The following TAOK1 variants were observed in gnomAD, a reference collection of about 807,000 sequenced individuals.
TAOK1 encodes the protein serine/threonine-protein kinase TAO1.
TAOK1 carries 21 observed loss-of-function variants against 138.3 expected under a neutral mutation model. That is an observed-to-expected ratio of 0.15 (90% CI 0.11 to 0.22). The LOEUF (loss-of-function observed/expected upper bound fraction) is 0.22. TAOK1 is among the 10% of genes least tolerant of loss of function. The pLI is 1.00. For missense variants in TAOK1, 651 were observed against 1,227.7 expected, an observed-to-expected ratio of 0.53 and a Z score of 7.02; for synonymous variants, 361 against 398.4, an observed-to-expected ratio of 0.91 and a Z score of 1.12.
At chr17:29,534,082 A>G (rs954490289) in intron 18 of TAOK1, 36 bp from the exon 19 acceptor site, 10 of 1,556,812 alleles carry the variant, frequency 6.4e-6, no homozygotes, top group East Asian at 4.6e-5. Flanking sequence ...ACATTAGGAT[A>G]TATCTTTTTT....
At chr17:29,432,478 G>A (rs899556215) in intron 1 of TAOK1, among the ~76,000 whole-genome samples, 3 of 152,190 alleles carry the variant, frequency 2.0e-5, no homozygotes, top group Non-Finnish European at 1.5e-5. Flanking sequence ...GCCAGTTTTG[G>A]GGCCAGTTTA....
chr17:29,421,949 G>T (rs1905457280), intron 1 of TAOK1, among the ~76,000 whole-genome samples: 1 of 152,108 alleles, frequency 6.6e-6, no homozygotes, highest in African/African-American at 2.4e-5. Context: ...CCAGGCTGGA[G>T]TGCAGTGGCA....
Position 29,551,680 on chromosome 17 carries a change from A to AT in TAOK1, c.*8660dup, listed in dbSNP as rs1399093544. The AT allele has an allele frequency of 6.6e-6, 1 of 152,612 alleles. No homozygotes were observed. The highest frequency in any genetic ancestry group is 1.5e-5 in the Non-Finnish European group (1 of 68,052). 9.5% of individuals were successfully genotyped at this position (152,612 alleles called of 1,614,324 possible). A position where few individuals can be genotyped will look rare whatever the true frequency, so the allele number is the denominator to read the frequency against. On this transcript the variant is annotated 3_prime_UTR_variant, in exon 20 of 20. Transcript: ENST00000261716. The stretch of plus-strand genomic sequence containing the variant: ...TCCACAGCACTAACTGGTAAGGCTT[A>AT]TTGTACAGTATATTGTCAGTATTCT...
intron 3 of TAOK1, among the ~76,000 whole-genome samples, chr17:29,475,091 C>T (rs1318760394): frequency 2.6e-5 from 4 of 151,980 alleles, no homozygotes; most frequent in African/African-American, 4.8e-5. Context: ...TAGGTGCACA[C>T]CACCACGCCC....
chr17:29,532,921 G>A (rs2150773749), intron 18 of TAOK1, among the ~76,000 whole-genome samples: 1 of 149,784 alleles, frequency 6.7e-6, no homozygotes, highest in South Asian at 2.1e-4. Context: ...AGACGGGGCG[G>A]CTGGCCGGGT....
In TAOK1 at chr17:29,516,606, G is replaced by A. The variant is rs556263791; in HGVS notation, c.1705-847G>A. On this transcript the variant is annotated intron_variant, in intron 15 of 19. Coordinates refer to ENST00000261716, the MANE Select transcript of TAOK1 (RefSeq NM_020791.4). Reference sequence around the variant, plus strand: ...CAACCTCCACCTCCTGGGTTCAAGCGATTCTCTGCCTCACCCTCCCAAGTA... The same window carrying A: ...CAACCTCCACCTCCTGGGTTCAAGCAATTCTCTGCCTCACCCTCCCAAGTA... 2.9e-4 allele frequency among the ~76,000 whole-genome samples: 44 copies of A among 150,710 alleles called. 1 individual carries two copies. The highest frequency in any genetic ancestry group is 2.5e-4 in the Non-Finnish European group (17 of 67,796).
At chr17:29,441,196 A>AATGAGTTAAT (rs1416195182) in intron 1 of TAOK1, among the ~76,000 whole-genome samples, 1 of 152,148 alleles carries the variant, frequency 6.6e-6, no homozygotes, top group Non-Finnish European at 1.5e-5. Context: ...TGGCCCATAA[A>AATGAGTTAAT]ATGAGTTAAT....
Position 29,434,519 on chromosome 17 carries a change from C to G in TAOK1, c.-94-16936C>G, listed in dbSNP as rs149869006. Among the ~76,000 whole-genome samples, 516 of 151,356 alleles carry G rather than the reference C, an allele frequency of 3.4e-3. 3 individuals are homozygous for G. The highest frequency in any genetic ancestry group is 0.012 in the African/African-American group (499 of 41,212). ...GAGTGTCCTCTTTCAGTCTTCTGTCCTTGCATCCCCGAGTTCTGGCGACCT... is the reference window on the plus strand; with the variant it reads ...GAGTGTCCTCTTTCAGTCTTCTGTCGTTGCATCCCCGAGTTCTGGCGACCT... On this transcript the variant is annotated intron_variant, in intron 1 of 19. Coordinates refer to ENST00000261716, the MANE Select transcript of TAOK1 (RefSeq NM_020791.4).
At chr17:29,501,548 T>G (rs1472260480) in intron 12 of TAOK1, among the ~76,000 whole-genome samples, 1 of 152,178 alleles carries the variant, frequency 6.6e-6, no homozygotes, top group Non-Finnish European at 1.5e-5. Context: ...ACTGTTTTTG[T>G]TTTTGCTTAT....
At chr17:29,407,285 CTGTCTTCCTTCTTAAAAT>C (rs983215934) in intron 1 of TAOK1, among the ~76,000 whole-genome samples, 4 of 151,976 alleles carry the variant, frequency 2.6e-5, no homozygotes, top group African/African-American at 9.7e-5. Flanking sequence ...CCATGTCTGA[CTGTCTTCCTTCTTAAAAT>C]TTGTATTTTA....
chr17:29,465,440 G>A (rs1180600189), intron 2 of TAOK1, among the ~76,000 whole-genome samples: 2 of 151,876 alleles, frequency 1.3e-5, no homozygotes, highest in Admixed American at 1.3e-4. Flanking sequence ...GTGAGTCACC[G>A]CGCCTGGCCC....
chr17:29,539,781 A>G lies in TAOK1; in HGVS notation c.2545-2780A>G, dbSNP rs551672447. Among the ~76,000 whole-genome samples the G allele has an allele frequency of 8.3e-4, 127 of 152,198 alleles. 1 individual carries two copies. In the South Asian group the frequency reaches 9.1e-3, roughly 11 times the overall value. On this transcript the variant is annotated intron_variant, in intron 19 of 19. Transcript: ENST00000261716. The stretch of plus-strand genomic sequence containing the variant: ...GAAATACCCAGTTACCCAGGAGGAT[A>G]AGGTGGGAGGATAGCCTGAGCCTGG...
chr17:29,471,276 CTTTTT>C (rs759764241), intron 3 of TAOK1, among the ~76,000 whole-genome samples: 4 of 81,826 alleles, frequency 4.9e-5, no homozygotes, highest in African/African-American at 5.4e-5. Context: ...TATTTTCTTT[CTTTTT>C]TTTTTTTTTT....
chr17:29,532,996 C>G (rs2032150021), intron 18 of TAOK1, among the ~76,000 whole-genome samples: 1 of 1,664 alleles, frequency 6.0e-4, no homozygotes, highest in Non-Finnish European at 1.1e-3. Context: ...GCTGACCCCC[C>G]CACCTCCAAC....
chr17:29,544,478 G>A lies in TAOK1; in HGVS notation c.*1456G>A, dbSNP rs933657698. On this transcript the variant is annotated 3_prime_UTR_variant, in exon 20 of 20. Coordinates refer to ENST00000261716, the MANE Select transcript of TAOK1 (RefSeq NM_020791.4). ...TACTGAAAAGGAACTAGGAAGTTTG[G>A]CCAATTAAAAAAAAAAAGTAAAATA... 6.6e-6 allele frequency: 1 copy of A among 152,148 alleles called. No individual in the cohort carries two copies. Among genetic ancestry groups the A allele is most frequent in the Non-Finnish European group, 1.5e-5 (1 of 67,972 alleles). The allele number at this position is 152,148 out of a possible 1,614,324, so 9.4% of individuals were successfully genotyped here. A position where few individuals can be genotyped will look rare whatever the true frequency, so the allele number is the denominator to read the frequency against.
At chr17:29,465,953 A>G (rs1289449660) in intron 2 of TAOK1, among the ~76,000 whole-genome samples, 1 of 147,294 alleles carries the variant, frequency 6.8e-6, no homozygotes, top group East Asian at 2.0e-4. Context: ...TTTTCAATAG[A>G]CAGCATATGT....
intron 11 of TAOK1, among the ~76,000 whole-genome samples, chr17:29,498,089 T>TA (rs1265275212): frequency 6.6e-6 from 1 of 152,224 alleles, no homozygotes; most frequent in Non-Finnish European, 1.5e-5. Flanking sequence ...GACTTTGTTT[T>TA]AGACAGTTGG....
At chr17:29,537,480 A>G (rs952879956) in intron 19 of TAOK1, among the ~76,000 whole-genome samples, 36 of 148,488 alleles carry the variant, frequency 2.4e-4, no homozygotes, top group African/African-American at 8.4e-4. Context: ...CCTCACAACT[A>G]CAGGCATGCA....
intron 1 of TAOK1, among the ~76,000 whole-genome samples, chr17:29,420,447 A>G (rs527272121): frequency 6.6e-6 from 1 of 152,102 alleles, no homozygotes; most frequent in African/African-American, 2.4e-5. Context: ...GTTTATTAGT[A>G]CAGTTTTATT....
Sources: allele counts gnomAD v4.1 joint callset (sites outside exome capture counted in the v4.1 genomes callset), GRCh38; gene constraint gnomAD v4.1.1; transcripts MANE v1.5; gene names NCBI Gene and HGNC (gene_info 2026-07-23, HGNC 2026-07-21).